ATF6: variants seen among roughly 807,000 people sequenced by gnomAD.
The protein encoded by ATF6 is cyclic AMP-dependent transcription factor ATF-6 alpha.
Under a neutral mutation model 83.6 loss-of-function variants are expected in ATF6, and 53 were observed. The observed-to-expected ratio is 0.63, with a 90% CI of 0.51 to 0.80. The LOEUF is 0.80. ATF6 is among the 30% of genes least tolerant of loss of function. The pLI, the probability that ATF6 is intolerant of heterozygous loss-of-function variation, is 0.00. For missense variants in ATF6, 744 were observed against 797.9 expected (o/e 0.93, Z 0.81); for synonymous variants, 288 against 285.8 (o/e 1.01, Z -0.08).
intron 14 of ATF6, among the ~76,000 whole-genome samples, chr1:161,912,012 C>T (rs1001398530): frequency 6.6e-6 from 1 of 152,082 alleles, no homozygotes; most frequent in Non-Finnish European, 1.5e-5. Context: ...ACTGCTTGAC[C>T]AGTATTCTTT....
intron 9 of ATF6, among the ~76,000 whole-genome samples, chr1:161,821,901 A>G (rs1685771788): frequency 6.6e-6 from 1 of 152,184 alleles, no homozygotes; most frequent in African/African-American, 2.4e-5. Context: ...TGGTTATAAA[A>G]AGGATGAGCA....
intron 1 of ATF6, among the ~76,000 whole-genome samples, chr1:161,772,218 A>C (rs538040584): frequency 2.0e-5 from 3 of 151,964 alleles, no homozygotes; most frequent in Admixed American, 1.3e-4. Context: ...TTTCATATTC[A>C]TGTCTGTCTC....
intron 11 of ATF6, among the ~76,000 whole-genome samples, chr1:161,852,893 C>T (rs7533200): frequency 0.013 from 1,982 of 152,270 alleles, 48 homozygotes; most frequent in African/African-American, 0.044. Flanking sequence ...GCTAGGATTA[C>T]AGGTGTAAGC....
intron 9 of ATF6, among the ~76,000 whole-genome samples, chr1:161,831,526 CAA>C (rs952884970): frequency 1.3e-5 from 2 of 152,036 alleles, no homozygotes; most frequent in Non-Finnish European, 2.9e-5. Flanking sequence ...TTCACAATAG[CAA>C]AGACTTGGAA....
At chr1:161,868,232 T>C (rs1218579585) in intron 14 of ATF6, among the ~76,000 whole-genome samples, 1 of 152,150 alleles carries the variant, frequency 6.6e-6, no homozygotes, top group East Asian at 1.9e-4. Context: ...CTGGTCACCA[T>C]CTCTTACGCA....
At position 161,881,163 on chromosome 1, in the gene ATF6, AAC is replaced by A. The variant is rs1429695491; in HGVS notation, c.1719+17859_1719+17860del. ...TGTGTTGTTTTGTTTAGCAGCTTAG[AAC>A]ACACACATTTATTATCTCACAGTTA... On this transcript the variant is annotated intron_variant, in intron 14 of 15. Transcript: ENST00000367942. Among the ~76,000 whole-genome samples, 14 of 152,046 alleles carry A rather than the reference AAC, an allele frequency of 9.2e-5. 1 individual carries two copies. The highest frequency in any genetic ancestry group is 9.2e-4 in the Admixed American group (14 of 15,248).
chr1:161,819,658 G>A lies in ATF6; in HGVS notation c.935G>A (p.Arg312His), dbSNP rs148863991. ...ATTGCTGTGCTAAGGAGACAGCAAC[G>A]TATGATAAAAAATCGAGAATCCGCT... ...SDIAVLRRQQ[R>H]MIKNRESACQ... Residue 312 changes from arginine to histidine, a missense_variant, in exon 8 of 16, where the codon CGT (arginine) becomes CAT (histidine). By Grantham distance (29) the Arg-to-His change is conservative (BLOSUM62 0). Transcript: ENST00000367942. 36 of 1,608,700 alleles carry A rather than the reference G, an allele frequency of 2.2e-5. No homozygotes were observed. Among genetic ancestry groups the A allele is most frequent in the Admixed American group, 1.0e-4 (6 of 59,122 alleles).
intron 1 of ATF6, among the ~76,000 whole-genome samples, chr1:161,773,545 C>T (rs900264651): frequency 9.9e-5 from 15 of 152,142 alleles, no homozygotes; most frequent in African/African-American, 2.9e-4. Context: ...GGATTACAGG[C>T]GTGAGCCATC....
intron 15 of ATF6, among the ~76,000 whole-genome samples, chr1:161,915,089 C>T (rs184520790): frequency 7.1e-4 from 108 of 152,260 alleles, no homozygotes; most frequent in African/African-American, 2.5e-3. Flanking sequence ...CTCCCCACCC[C>T]CTCAGCTGAT....
intron 1 of ATF6, among the ~76,000 whole-genome samples, chr1:161,769,261 T>A (rs1043223247): frequency 3.3e-5 from 5 of 152,222 alleles, no homozygotes; most frequent in Non-Finnish European, 5.9e-5. Flanking sequence ...CCTACTTTTT[T>A]AGTATAATTA....
chr1:161,828,649 A>T (rs1396566215), intron 9 of ATF6, among the ~76,000 whole-genome samples: 2 of 152,222 alleles, frequency 1.3e-5, no homozygotes, highest in Non-Finnish European at 2.9e-5. Flanking sequence ...TTTTGGCTTT[A>T]GTTAGAGTGG....
chr1:161,924,342 T>G (rs1010681530), intron 15 of ATF6, among the ~76,000 whole-genome samples: 2 of 152,178 alleles, frequency 1.3e-5, no homozygotes, highest in African/African-American at 4.8e-5. Context: ...TCATTGACAT[T>G]GGGAAATACT....
chr1:161,957,710 A>G (rs1230619345), intron 15 of ATF6, among the ~76,000 whole-genome samples: 1 of 152,214 alleles, frequency 6.6e-6, no homozygotes, highest in Non-Finnish European at 1.5e-5. Context: ...AATATTCTCT[A>G]GCTTACCTGC....
chr1:161,894,090 A>C (rs1226737256), intron 14 of ATF6, among the ~76,000 whole-genome samples: 1 of 152,166 alleles, frequency 6.6e-6, no homozygotes, highest in African/African-American at 2.4e-5. Flanking sequence ...AAATGGTTGG[A>C]AAAACTTTTA....
chr1:161,877,798 G>T (rs1311823234), intron 14 of ATF6, among the ~76,000 whole-genome samples: 1 of 152,084 alleles, frequency 6.6e-6, no homozygotes, highest in African/African-American at 2.4e-5. Context: ...AAATGATGAT[G>T]GCAGCAAAGT....
At chr1:161,957,632 C>A (rs527923901) in intron 15 of ATF6, among the ~76,000 whole-genome samples, 1 of 152,200 alleles carries the variant, frequency 6.6e-6, no homozygotes, top group African/African-American at 2.4e-5. Flanking sequence ...GTATTTTAAA[C>A]TCATGATAAT....
Position 161,819,660 on chromosome 1 carries a change from A to G in ATF6, c.937A>G (p.Met313Val). ...TGCTGTGCTAAGGAGACAGCAACGTATGATAAAAAATCGAGAATCCGCTTG... is the reference window on the plus strand; with the variant it reads ...TGCTGTGCTAAGGAGACAGCAACGTGTGATAAAAAATCGAGAATCCGCTTG... Reference protein sequence around the residue: ...DIAVLRRQQRMIKNRESACQS... With the variant: ...DIAVLRRQQRVIKNRESACQS... The change falls in exon 8 of 16, where the codon ATG becomes GTG. Residue 313 changes from methionine to valine, a missense_variant. Coordinates refer to ENST00000367942, the MANE Select transcript of ATF6 (RefSeq NM_007348.4). 9 of 1,609,578 alleles carry G rather than the reference A, an allele frequency of 5.6e-6. No individual in the cohort carries two copies. Among genetic ancestry groups the G allele is most frequent in the Non-Finnish European group, 7.6e-6 (9 of 1,178,252 alleles).
chr1:161,851,308 A>G (rs978045771), intron 10 of ATF6, among the ~76,000 whole-genome samples: 2 of 151,540 alleles, frequency 1.3e-5, no homozygotes, highest in Non-Finnish European at 2.9e-5. Flanking sequence ...ATCCAATTTT[A>G]TTATCATAGA....
chr1:161,805,221 C>CT (rs1685250316), intron 7 of ATF6, among the ~76,000 whole-genome samples: 1 of 151,584 alleles, frequency 6.6e-6, no homozygotes, highest in Non-Finnish European at 1.5e-5. Context: ...TCTAATTAGT[C>CT]TTTATCTTTT....
Sources: gnomAD v4.1 joint callset for allele counts (sites outside exome capture counted in the v4.1 genomes callset) on GRCh38, gnomAD v4.1.1 for gene constraint, MANE v1.5 for transcripts, NCBI Gene and HGNC (gene_info 2026-07-23, HGNC 2026-07-21) for gene names.